The following ITK variants were observed in gnomAD, a reference collection of about 807,000 sequenced individuals.
ITK encodes the protein tyrosine-protein kinase ITK/TSK.
ITK carries 45 observed loss-of-function variants against 87.6 expected under a neutral mutation model. The ratio of observed to expected loss-of-function variants is 0.51; its 90% CI spans 0.40 to 0.66. ITK has a LOEUF of 0.66. Among genes scored for constraint, ITK ranks in the 30% least tolerant of loss-of-function variants. The pLI is 0.00. For synonymous variants in ITK, 303 were observed against 273.6 expected, an observed-to-expected ratio of 1.11 and a Z score of -1.06; for missense variants, 605 against 766.3, an observed-to-expected ratio of 0.79 and a Z score of 2.48.
chr5:157,198,733 A>C (rs1230635973), intron 1 of ITK, among the ~76,000 whole-genome samples: 1 of 152,190 alleles, frequency 6.6e-6, no homozygotes, highest in Admixed American at 6.5e-5. Flanking sequence ...TAATTTTTCC[A>C]TAGAGACAGT....
In ITK at chr5:157,253,204, G is replaced by A; in HGVS notation, c.*526G>A. The stretch of plus-strand genomic sequence containing the variant: ...ATTAGAGTGAGTGTGCTCTGTTGCT[G>A]TGATGCTGTCAGCCACAGCTTCCTG... On this transcript the variant is annotated 3_prime_UTR_variant, in exon 17 of 17. Coordinates refer to ENST00000422843, the MANE Select transcript of ITK (RefSeq NM_005546.4). 7.9e-6 allele frequency: 2 copies of A among 251,650 alleles called. No homozygotes were observed. The highest frequency in any genetic ancestry group is 1.6e-5 in the Non-Finnish European group (2 of 126,778). The allele number at this position is 251,650 out of a possible 1,614,324, so 15.6% of individuals were successfully genotyped here. A position where few individuals can be genotyped will look rare whatever the true frequency, so the allele number is the denominator to read the frequency against.
In ITK at chr5:157,240,270, G is replaced by A. The variant is rs6860090; in HGVS notation, c.985+75G>A. 253,648 of 1,356,282 alleles carry A rather than the reference G, an allele frequency of 0.19. 28,855 individuals carry two copies. The highest frequency in any genetic ancestry group is 0.4 in the African/African-American group (28,090 of 69,698). The allele number at this position is 1,356,282 out of a possible 1,614,324, so 84.0% of individuals were successfully genotyped here. A position where few individuals can be genotyped will look rare whatever the true frequency, so the allele number is the denominator to read the frequency against. ...AGCAGGTGAGCAAGCATTACTGCCT[G>A]AGCTCTGCCTTCTGTCAGATCAGCG... is the stretch of plus-strand genomic sequence containing the variant. On this transcript the variant is annotated intron_variant, in intron 10 of 16. Coordinates refer to ENST00000422843, the MANE Select transcript of ITK (RefSeq NM_005546.4).
At chr5:157,203,201 A>G (rs894326271) in intron 1 of ITK, among the ~76,000 whole-genome samples, 8 of 152,214 alleles carry the variant, frequency 5.3e-5, no homozygotes, top group African/African-American at 1.9e-4. Flanking sequence ...CAAGTATACT[A>G]CGGGCTCTGT....
intron 3 of ITK, 187 bp downstream of exon 3, chr5:157,211,555 C>A: frequency 3.2e-6 from 2 of 619,796 alleles, no homozygotes; most frequent in South Asian, 3.7e-5. Context: ...AGGGATTGAC[C>A]AAATCCAGCC....
chr5:157,240,665 C>T (rs1008608033), intron 10 of ITK: 1 of 205,312 alleles, frequency 4.9e-6, no homozygotes, highest in Admixed American at 5.3e-5. Flanking sequence ...CCTCAGGAAG[C>T]TTTCAGTCAT....
chr5:157,237,660 C>A (rs1170172302), intron 8 of ITK, among the ~76,000 whole-genome samples: 2 of 152,186 alleles, frequency 1.3e-5, no homozygotes, highest in African/African-American at 4.8e-5. Context: ...AGTAGTAGAC[C>A]AAGGCTGGGC....
intron 1 of ITK, among the ~76,000 whole-genome samples, chr5:157,194,128 A>G (rs1216311595): frequency 1.3e-5 from 2 of 152,130 alleles, no homozygotes; most frequent in Admixed American, 6.6e-5. Context: ...CATTAGTGTG[A>G]CCTGTCCTGA....
intron 3 of ITK, among the ~76,000 whole-genome samples, chr5:157,212,651 A>G (rs1045859432): frequency 1.3e-5 from 2 of 152,186 alleles, no homozygotes; most frequent in Non-Finnish European, 2.9e-5. Flanking sequence ...ATGCCACTGC[A>G]CTTCAGCCTG....
intron 16 of ITK, among the ~76,000 whole-genome samples, chr5:157,250,680 C>T (rs570150170): frequency 6.6e-6 from 1 of 152,204 alleles, no homozygotes; most frequent in South Asian, 2.1e-4. Flanking sequence ...CTAGGCCCAG[C>T]TAATTTTTTG....
At chr5:157,206,477 G>A (rs886212776) in intron 1 of ITK, among the ~76,000 whole-genome samples, 5 of 152,106 alleles carry the variant, frequency 3.3e-5, no homozygotes, top group African/African-American at 1.2e-4. Flanking sequence ...GCTCTTCTTT[G>A]TACATCTGGT....
intron 1 of ITK, among the ~76,000 whole-genome samples, chr5:157,200,902 T>C (rs957738030): frequency 1.3e-5 from 2 of 152,120 alleles, no homozygotes; most frequent in Non-Finnish European, 2.9e-5. Flanking sequence ...ACCTGAAGTA[T>C]GGCAAGTGCA....
rs12659723 is a variant in ITK at position 157,209,309 on chromosome 5, C to T, written c.243+316C>T. On this transcript the variant is annotated intron_variant, in intron 2 of 16. Coordinates refer to ENST00000422843, the MANE Select transcript of ITK (RefSeq NM_005546.4). ...ATCGTGCCATTCACTCCAGCCCAGG[C>T]AACAGAGTGAGACTCCGTCAAAAAA... Among the ~76,000 whole-genome samples, 30,863 of 145,350 alleles carry T rather than the reference C, an allele frequency of 0.21. 4,070 individuals are homozygous for T. Among genetic ancestry groups the T allele is most frequent in the East Asian group, 0.54 (2,697 of 5,010 alleles).
At chr5:157,186,976 G>C (rs1036747543) in intron 1 of ITK, among the ~76,000 whole-genome samples, 1 of 152,176 alleles carries the variant, frequency 6.6e-6, no homozygotes, top group African/African-American at 2.4e-5. Flanking sequence ...TTGCCCTAAC[G>C]ATGGACACCA....
Position 157,187,821 on chromosome 5 carries a change from C to G in ITK, c.138+6706C>G, listed in dbSNP as rs34273032. Among the ~76,000 whole-genome samples, 582 of 151,670 alleles carry G rather than the reference C, an allele frequency of 3.8e-3. 1 individual carries two copies. Among genetic ancestry groups the G allele is most frequent in the Non-Finnish European group, 6.2e-3 (419 of 67,922 alleles). ...TAATATTCTTTTTTTTTTTCTTGAC[C>G]CAGAACCTTGCTCTGTTGCCCAGGC... On this transcript the variant is annotated intron_variant, in intron 1 of 16. Transcript: ENST00000422843.
chr5:157,208,845 T>C (rs1484936004), intron 1 of ITK, 44 bp from the exon 2 acceptor site: 2 of 1,373,670 alleles, frequency 1.5e-6, no homozygotes, highest in Non-Finnish European at 2.1e-6. Context: ...ACAAAAATAT[T>C]GTCTTCTTTC....
intron 1 of ITK, among the ~76,000 whole-genome samples, chr5:157,188,957 T>TAAAAC (rs1407339680): frequency 6.6e-6 from 1 of 152,194 alleles, no homozygotes; most frequent in Non-Finnish European, 1.5e-5. Flanking sequence ...CACCATCATC[T>TAAAAC]AAAACAGTTC....
chr5:157,253,164 G>T lies in ITK; in HGVS notation c.*486G>T, dbSNP rs116624314. ...GCATGAGTCTTTTTCCAAGAAAACT[G>T]GTGAGTTAAGTAAGATTAGAGTGAG... On this transcript the variant is annotated 3_prime_UTR_variant, in exon 17 of 17. Transcript: ENST00000422843. 2,307 of 291,768 alleles carry T rather than the reference G, an allele frequency of 7.9e-3. 59 individuals carry two copies. Among genetic ancestry groups the T allele is most frequent in the African/African-American group, 0.043 (2,071 of 47,794 alleles). The allele number at this position is 291,768 out of a possible 1,614,324, so 18.1% of individuals were successfully genotyped here.
At chr5:157,203,249 C>T (rs556867846) in intron 1 of ITK, among the ~76,000 whole-genome samples, 1 of 152,352 alleles carries the variant, frequency 6.6e-6, no homozygotes, top group Admixed American at 6.5e-5. Flanking sequence ...TTCCTGAACT[C>T]AGAATAGCAC....
Position 157,254,103 on chromosome 5 carries a change from C to A in ITK, c.*1425C>A. The A allele has an allele frequency of 4.4e-6, 1 of 227,708 alleles. No homozygotes were observed. Among genetic ancestry groups the A allele is most frequent in the Non-Finnish European group, 8.7e-6 (1 of 114,684 alleles). The allele number at this position is 227,708 out of a possible 1,614,324, so 14.1% of individuals were successfully genotyped here. A position where few individuals can be genotyped will look rare whatever the true frequency, so the allele number is the denominator to read the frequency against. The stretch of plus-strand genomic sequence containing the variant: ...AATACACAGATTCTTTATTCCTATT[C>A]GACACTGGCTTCTACTGAAAATGAA... On this transcript the variant is annotated 3_prime_UTR_variant, in exon 17 of 17. Transcript: ENST00000422843.
Sources: gnomAD v4.1 joint callset for allele counts (sites outside exome capture counted in the v4.1 genomes callset) on GRCh38, gnomAD v4.1.1 for gene constraint, MANE v1.5 for transcripts, NCBI Gene and HGNC (gene_info 2026-07-23, HGNC 2026-07-21) for gene names.